The following KCNH5 variants were observed in gnomAD, a reference collection of about 807,000 sequenced individuals.
KCNH5 encodes the protein voltage-gated delayed rectifier potassium channel KCNH5.
KCNH5 carries 46 observed loss-of-function variants against 96.1 expected under a neutral mutation model. That is an observed-to-expected ratio of 0.48 (90% CI 0.38 to 0.61). KCNH5 has a LOEUF of 0.61. Among genes scored for constraint, KCNH5 ranks in the 20% least tolerant of loss-of-function variants. The pLI is 0.00. For synonymous variants in KCNH5, 439 were observed against 449.8 expected, an observed-to-expected ratio of 0.98 and a Z score of 0.30; for missense variants, 907 against 1,225.8, an observed-to-expected ratio of 0.74 and a Z score of 3.88.
At chr14:62,965,325 T>A (rs1245949882) in intron 6 of KCNH5, among the ~76,000 whole-genome samples, 2 of 152,066 alleles carry the variant, frequency 1.3e-5, no homozygotes, top group African/African-American at 2.4e-5. Context: ...ACCATTCTCA[T>A]GGTAGTGGGT....
chr14:62,934,662 G>T (rs879368014), intron 7 of KCNH5, among the ~76,000 whole-genome samples: 1 of 152,084 alleles, frequency 6.6e-6, no homozygotes, highest in African/African-American at 2.4e-5. Context: ...GAGGAGTGTG[G>T]TAACAGCTGA....
At chr14:63,012,225 C>A (rs181336083) in intron 2 of KCNH5, among the ~76,000 whole-genome samples, 1 of 152,254 alleles carries the variant, frequency 6.6e-6, no homozygotes, top group East Asian at 1.9e-4. Context: ...ACATGCGATA[C>A]TTTTCATGTC....
At chr14:62,719,803 G>A (rs1343145393) in intron 10 of KCNH5, among the ~76,000 whole-genome samples, 1 of 152,120 alleles carries the variant, frequency 6.6e-6, no homozygotes, top group East Asian at 1.9e-4. Context: ...TCATCCACAA[G>A]GACTCAAATA....
At chr14:62,718,983 A>C (rs937657687) in intron 10 of KCNH5, among the ~76,000 whole-genome samples, 1 of 152,232 alleles carries the variant, frequency 6.6e-6, no homozygotes, top group South Asian at 2.1e-4. Context: ...GATTTCACTT[A>C]CATGCAATGT....
At chr14:63,008,094 A>G (rs1891159434) in intron 2 of KCNH5, among the ~76,000 whole-genome samples, 1 of 152,142 alleles carries the variant, frequency 6.6e-6, no homozygotes, top group African/African-American at 2.4e-5. Context: ...TGGCATTACT[A>G]AACACCTTAA....
chr14:62,941,171 A>G (rs755172665), intron 7 of KCNH5, among the ~76,000 whole-genome samples: 8 of 152,212 alleles, frequency 5.3e-5, no homozygotes, highest in Admixed American at 6.5e-5. Flanking sequence ...TTTGAGTGAT[A>G]CAAGGACACA....
At chr14:62,757,112 T>C (rs1885640327) in intron 10 of KCNH5, among the ~76,000 whole-genome samples, 1 of 152,080 alleles carries the variant, frequency 6.6e-6, no homozygotes, top group Admixed American at 6.6e-5. Flanking sequence ...GTCTAATAAT[T>C]TGATTTAAAA....
At chr14:62,852,315 A>C (rs986700102) in intron 7 of KCNH5, among the ~76,000 whole-genome samples, 4 of 152,164 alleles carry the variant, frequency 2.6e-5, no homozygotes, top group Non-Finnish European at 5.9e-5. Context: ...ACTGCTCTTT[A>C]TCCCTCACTG....
At chr14:62,817,725 T>A (rs1184676511) in intron 8 of KCNH5, among the ~76,000 whole-genome samples, 1 of 147,340 alleles carries the variant, frequency 6.8e-6, no homozygotes, top group Non-Finnish European at 1.5e-5. Flanking sequence ...TCTAGGAATA[T>A]ATTCTATATA....
chr14:62,940,547 G>T (rs1889767527), intron 7 of KCNH5, among the ~76,000 whole-genome samples: 1 of 152,282 alleles, frequency 6.6e-6, no homozygotes, highest in South Asian at 2.1e-4. Flanking sequence ...GCTATGGAAA[G>T]CTTTTTGACA....
intron 7 of KCNH5, among the ~76,000 whole-genome samples, chr14:62,881,233 T>C (rs748984542): frequency 3.3e-5 from 5 of 152,194 alleles, no homozygotes; most frequent in Non-Finnish European, 7.3e-5. Context: ...ATAAGCAATA[T>C]TGAAGTACAT....
At position 63,006,438 on chromosome 14, in the gene KCNH5, T is replaced by C. The variant is rs375744200; in HGVS notation, c.232A>G (p.Ile78Val). The C allele has an allele frequency of 6.2e-7, 1 of 1,612,448 alleles. No individual in the cohort carries two copies. The highest frequency in any genetic ancestry group is 1.3e-5 in the African/African-American group (1 of 74,908). ...TCAAAAGTTTGCCTGACTTTCTCAATGGTCTTCTTGTCAGTCAATTCCCCA... is the reference window on the plus strand; with the variant it reads ...TCAAAAGTTTGCCTGACTTTCTCAACGGTCTTCTTGTCAGTCAATTCCCCA... ...MYGELTDKKT[I>V]EKVRQTFDNY... Residue 78 changes from isoleucine (I) to valine (V), a missense_variant, in exon 3 of 11, where the codon ATT (isoleucine) becomes GTT (valine). Physicochemically the swap from Ile to Val is conservative, Grantham distance 29. Coordinates refer to ENST00000322893, the MANE Select transcript of KCNH5 (RefSeq NM_139318.5).
chr14:63,023,839 A>C (rs958365673), intron 1 of KCNH5, among the ~76,000 whole-genome samples: 1 of 152,236 alleles, frequency 6.6e-6, no homozygotes. Flanking sequence ...GAAAATTTAC[A>C]AATATGTGGA....
intron 7 of KCNH5, among the ~76,000 whole-genome samples, chr14:62,870,314 A>G (rs912555412): frequency 1.3e-5 from 2 of 152,188 alleles, no homozygotes; most frequent in Non-Finnish European, 2.9e-5. Flanking sequence ...AATCACATGT[A>G]AAGAATTTCT....
intron 7 of KCNH5, among the ~76,000 whole-genome samples, chr14:62,894,627 A>G (rs1373427970): frequency 6.6e-6 from 1 of 152,168 alleles, no homozygotes; most frequent in Admixed American, 6.5e-5. Context: ...GTTGTCAATA[A>G]TTTCTACTAT....
chr14:62,716,426 T>C (rs1884686348), intron 10 of KCNH5, among the ~76,000 whole-genome samples: 1 of 152,218 alleles, frequency 6.6e-6, no homozygotes, highest in Non-Finnish European at 1.5e-5. Context: ...AATCCAGCAG[T>C]GGTCCAGCCC....
intron 10 of KCNH5, among the ~76,000 whole-genome samples, chr14:62,768,365 T>C (rs1235039264): frequency 1.3e-5 from 2 of 152,190 alleles, no homozygotes; most frequent in African/African-American, 4.8e-5. Context: ...ATACAAACCC[T>C]TGTTTTCTAA....
intron 10 of KCNH5, among the ~76,000 whole-genome samples, chr14:62,750,486 G>A (rs754741984): frequency 2.1e-4 from 32 of 152,244 alleles, no homozygotes; most frequent in Non-Finnish European, 3.4e-4. Context: ...CAAACCTGCC[G>A]ACAAGTCCAA....
intron 7 of KCNH5, among the ~76,000 whole-genome samples, chr14:62,925,457 A>G (rs1889457206): frequency 6.6e-6 from 1 of 152,038 alleles, no homozygotes; most frequent in African/African-American, 2.4e-5. Flanking sequence ...TATTATATTT[A>G]TCCTTTCCTC....
Sources: allele counts gnomAD v4.1 joint callset (sites outside exome capture counted in the v4.1 genomes callset), GRCh38; gene constraint gnomAD v4.1.1; transcripts MANE v1.5; gene names NCBI Gene and HGNC (gene_info 2026-07-23, HGNC 2026-07-21).